FLNC: variants seen among roughly 807,000 people sequenced by gnomAD.
The protein encoded by FLNC is filamin C, also known as filamin-C.
In FLNC, 91 loss-of-function variants were observed where a neutral mutation model predicts 254.3. That is an observed-to-expected ratio of 0.36 (90% CI 0.30 to 0.43). The LOEUF is 0.43. Among genes scored for constraint, FLNC ranks in the 20% least tolerant of loss-of-function variants. The pLI, the probability that FLNC is intolerant of heterozygous loss-of-function variation, is 1.00. For synonymous variants in FLNC, 1,430 were observed against 1,577.2 expected, an observed-to-expected ratio of 0.91 and a Z score of 2.21; for missense variants, 2,853 against 3,802.6, an observed-to-expected ratio of 0.75 and a Z score of 6.57.
chr7:128,837,198 C>T lies in FLNC; in HGVS notation c.640C>T (p.Pro214Ser), dbSNP rs2128934063. The change falls in exon 3 of 48, where the codon CCC (proline) becomes TCC (serine). Residue 214 changes from proline to serine, a missense_variant. Physicochemically the swap from Pro to Ser is moderately conservative, Grantham distance 74. Transcript: ENST00000325888. The part of the protein sequence containing the change: ...PDWEAWDPNQ[P>S]VENAREAMQQ... ...CTGGGAGGCCTGGGACCCCAACCAG[C>T]CCGTGGAGAACGCCCGGGAGGCCAT... is the stretch of plus-strand genomic sequence containing the variant. The T allele has an allele frequency of 6.2e-7, 1 of 1,603,892 alleles. No individual in the cohort carries two copies. Among genetic ancestry groups the T allele is most frequent in the Non-Finnish European group, 8.5e-7 (1 of 1,175,952 alleles).
At position 128,846,332 on chromosome 7, in the gene FLNC, G is replaced by A; in HGVS notation, c.3996G>A (p.Glu1332=). Residue 1332 remains glutamate, a synonymous_variant, in exon 23 of 48, where the codon GAG becomes GAA. Coordinates refer to ENST00000325888, the MANE Select transcript of FLNC (RefSeq NM_001458.5). The part of the protein sequence containing the change: ...GVHLVEVLYD[E]VAVPKSPFRV... ...ATCTGGTGGAGGTCCTGTATGATGA[G>A]GTCGCTGTGCCCAAGAGCCCCTTCC... 2 of 1,613,872 alleles carry A rather than the reference G, an allele frequency of 1.2e-6. No individual in the cohort carries two copies. The highest frequency in any genetic ancestry group is 1.7e-6 in the Non-Finnish European group (2 of 1,180,012).
intron 7 of FLNC, 40 bp from the exon 8 acceptor site, chr7:128,838,563 G>T (rs1248105067): frequency 3.1e-6 from 5 of 1,611,228 alleles, no homozygotes; most frequent in Admixed American, 3.3e-5. Context: ...GGGCAGCTGT[G>T]TGTGTCCAGA....
rs777887406 is a variant in FLNC, at chr7:128,844,691, C to T, written c.3226C>T (p.Leu1076=). ...TTATGGCCCGGGTCTCAAGGGTGGA[C>T]TGGTAGGCACCCCCGCGCCATTCTC... ...CAYGPGLKGG[L]VGTPAPFSID... is the part of the protein sequence containing the mutation. Residue 1076 remains leucine, a synonymous_variant, in exon 21 of 48, where the codon CTG becomes TTG. Transcript: ENST00000325888. The T allele has an allele frequency of 1.2e-6, 2 of 1,613,372 alleles. No homozygotes were observed. Among genetic ancestry groups the T allele is most frequent in the Admixed American group, 3.3e-5 (2 of 60,018 alleles).
rs1454765303 is a variant in FLNC, at chr7:128,845,926, G to A, written c.3791-64G>A. 1.2e-5 allele frequency: 17 copies of A among 1,451,462 alleles called. No homozygotes were observed. In the East Asian group the frequency reaches 3.6e-4, roughly 31 times the overall value. The allele number at this position is 1,451,462 out of a possible 1,614,324, so 89.9% of individuals were successfully genotyped here. A position where few individuals can be genotyped will look rare whatever the true frequency, so the allele number is the denominator to read the frequency against. The stretch of plus-strand genomic sequence containing the variant: ...GAGGAGAGGGAAAGGAGGGGGAGAG[G>A]AGAGGGAGCATCTGTGTGAAGGCTG... On this transcript the variant is annotated intron_variant, in intron 21 of 47. Coordinates refer to ENST00000325888, the MANE Select transcript of FLNC (RefSeq NM_001458.5).
At position 128,838,077 on chromosome 7, in the gene FLNC, A is replaced by T. The variant is rs1016163755; in HGVS notation, c.1047+13A>T. 6.2e-7 allele frequency: 1 copy of T among 1,608,034 alleles called. No individual in the cohort carries two copies. Among genetic ancestry groups the T allele is most frequent in the African/African-American group, 1.3e-5 (1 of 74,680 alleles). ...TGGGTTACACAAGGTATCTCCCTCT[A>T]GGCCCCCCTGCCTGCGCTGCTCTTC... On this transcript the variant is annotated intron_variant, in intron 6 of 47. Transcript: ENST00000325888.
In FLNC at chr7:128,849,262, C is replaced by T. The variant is rs1562999985; in HGVS notation, c.4951+58C>T. 28 of 1,613,838 alleles carry T rather than the reference C, an allele frequency of 1.7e-5. No individual in the cohort carries two copies. In the South Asian group the frequency reaches 1.8e-4, roughly 10 times the overall value. On this transcript the variant is annotated intron_variant, in intron 29 of 47. Coordinates refer to ENST00000325888, the MANE Select transcript of FLNC (RefSeq NM_001458.5). ...GGCCAGGGTGGTTGGCGGTAGGGGG[C>T]GGGCAGCGGGAACAGAGAGGGCTGG...
At chr7:128,852,804 C>T (rs757724218) in intron 36 of FLNC, 24 bp from the exon 37 acceptor site, 67 of 1,613,600 alleles carry the variant, frequency 4.2e-5, no homozygotes, top group Non-Finnish European at 5.0e-5. Flanking sequence ...ACAGGATGCT[C>T]TGCCTAACAC....
chr7:128,839,910 C>G, intron 8 of FLNC, 113 bp from the exon 9 acceptor site: 7 of 1,368,328 alleles, frequency 5.1e-6, no homozygotes, highest in Non-Finnish European at 7.1e-6. Context: ...AGAGCAGGGC[C>G]GTGGGCCACT....
Position 128,846,147 on chromosome 7 carries a change from C to T in FLNC, c.3948C>T (p.Tyr1316=). 1 of 1,613,910 alleles carries T rather than the reference C, an allele frequency of 6.2e-7. No homozygotes were observed. The highest frequency in any genetic ancestry group is 2.2e-5 in the East Asian group (1 of 44,846). ...DNGDGTYRVQ[Y]TAYEEGVHLV... ...GGGACGGCACCTACCGAGTGCAGTA[C>T]ACCGCCTACGAGGAGGGTGAGGGCC... Residue 1316 remains tyrosine, a synonymous_variant, in exon 22 of 48, where the codon TAC becomes TAT. Coordinates refer to ENST00000325888, the MANE Select transcript of FLNC (RefSeq NM_001458.5).
intron 9 of FLNC, 101 bp from the exon 10 acceptor site, chr7:128,840,447 G>T: frequency 1.3e-6 from 2 of 1,539,112 alleles, no homozygotes; most frequent in Non-Finnish European, 1.8e-6. Context: ...CACTGCCCTC[G>T]GGCTGGGTCG....
Position 128,850,068 on chromosome 7 carries a change from A to C in FLNC, c.5292A>C (p.Thr1764=), listed in dbSNP as rs1808743475. The change falls in exon 31 of 48, where the codon ACA becomes ACC. Residue 1764 remains threonine (T), a synonymous_variant. Transcript: ENST00000325888. ...CTCCCCGGCCCGGCGCCCGCCCCACACACTGGGTACTGCGCCTCCCACCAG... is the reference window on the plus strand; with the variant it reads ...CTCCCCGGCCCGGCGCCCGCCCCACCCACTGGGTACTGCGCCTCCCACCAG... ...YAPPRPGARP[T]HWATEEPVVP... 6.5e-7 allele frequency: 1 copy of C among 1,537,498 alleles called. No individual in the cohort carries two copies. The highest frequency in any genetic ancestry group is 2.0e-5 in the Admixed American group (1 of 51,214).
chr7:128,852,010 C>T (rs571452587), intron 35 of FLNC, among the ~76,000 whole-genome samples: 2 of 152,258 alleles, frequency 1.3e-5, no homozygotes, highest in East Asian at 1.9e-4. Flanking sequence ...GGACTCCAGG[C>T]GCCCGCCACC....
intron 30 of FLNC, 129 bp from the exon 31 acceptor site, chr7:128,849,847 A>C: frequency 3.7e-6 from 3 of 805,080 alleles, no homozygotes; most frequent in Non-Finnish European, 6.2e-6. Context: ...ATCTCCCCAG[A>C]GGCTGCCCTG....
chr7:128,833,934 C>T (rs544820214), intron 1 of FLNC, among the ~76,000 whole-genome samples: 2 of 152,220 alleles, frequency 1.3e-5, no homozygotes, highest in African/African-American at 4.8e-5. Flanking sequence ...GGAGCCCAGG[C>T]GGCCAGAGCC....
chr7:128,835,692 A>T lies in FLNC; in HGVS notation c.601+118A>T. On this transcript the variant is annotated intron_variant, in intron 2 of 47. Transcript: ENST00000325888. This position sits in a 1 kb window ranked among gnomAD's most constrained non-coding sequence, Gnocchi z 5.3. ...CACACCCTGGGGCCTGGGGGCCAGG[A>T]TCCCCTGCAGGGTTTGTCCTCCTCC... 1 of 1,184,882 alleles carries T rather than the reference A, an allele frequency of 8.4e-7. No individual in the cohort carries two copies. The highest frequency in any genetic ancestry group is 1.2e-6 in the Non-Finnish European group (1 of 825,044). 73.4% of individuals were successfully genotyped at this position (1,184,882 alleles called of 1,614,324 possible). A position where few individuals can be genotyped will look rare whatever the true frequency, so the allele number is the denominator to read the frequency against.
At chr7:128,849,294 C>T in intron 29 of FLNC, 37 bp from the exon 30 acceptor site, 1 of 1,614,094 alleles carries the variant, frequency 6.2e-7, no homozygotes, top group East Asian at 2.2e-5. Flanking sequence ...CTGGCTCCAG[C>T]CCACCAGCTC....
Position 128,843,503 on chromosome 7 carries a change from G to A in FLNC, c.2737G>A (p.Glu913Lys), listed in dbSNP as rs774707336. 26 of 1,613,922 alleles carry A rather than the reference G, an allele frequency of 1.6e-5. No individual in the cohort carries two copies. The highest frequency in any genetic ancestry group is 9.3e-5 in the African/African-American group (7 of 74,932). The stretch of plus-strand genomic sequence containing the variant: ...GCAGTTTGCAGGGACAGCCAAGGGC[G>A]AGGTTGTGCGGGACTTTGAGATCAT... ...DVQFAGTAKG[E>K]VVRDFEIIDN... Residue 913 changes from glutamate to lysine, a missense_variant, in exon 18 of 48, where the codon GAG becomes AAG. Transcript: ENST00000325888.
rs190543911 is a variant in FLNC at position 128,858,698 on chromosome 7, G to T, written c.*175G>T. 3.5e-3 allele frequency: 2,185 copies of T among 630,870 alleles called. 18 individuals carry two copies. Among genetic ancestry groups the T allele is most frequent in the Non-Finnish European group, 2.4e-3 (829 of 351,434 alleles). The allele number at this position is 630,870 out of a possible 1,614,324, so 39.1% of individuals were successfully genotyped here. A position where few individuals can be genotyped will look rare whatever the true frequency, so the allele number is the denominator to read the frequency against. On this transcript the variant is annotated 3_prime_UTR_variant, in exon 48 of 48. Coordinates refer to ENST00000325888, the MANE Select transcript of FLNC (RefSeq NM_001458.5). The surrounding 1 kb of genome is among the most constrained non-coding windows in gnomAD (Gnocchi z 6.7). ...CCTCCCCACCCCACCGCGCCCCAGG[G>T]GTTGGAGGACCTTGTCTGTGTCAGG...
intron 8 of FLNC, among the ~76,000 whole-genome samples, chr7:128,839,005 C>T (rs1308061583): frequency 1.3e-5 from 2 of 152,158 alleles, no homozygotes; most frequent in Non-Finnish European, 2.9e-5. Context: ...CCTGGGAGGG[C>T]TGAGCGGAAG....
Sources: allele counts gnomAD v4.1 joint callset (sites outside exome capture counted in the v4.1 genomes callset), GRCh38; gene constraint gnomAD v4.1.1; non-coding constraint Gnocchi (gnomAD v3.1); transcripts MANE v1.5; gene names NCBI Gene and HGNC (gene_info 2026-07-23, HGNC 2026-07-21).